Variants in C17orf67 observed in about 807,000 individuals in gnomAD.
C17orf67 encodes chromosome 17 open reading frame 67.
In C17orf67, 12 loss-of-function variants were observed where a neutral mutation model predicts 11.2. That is an observed-to-expected ratio of 1.07 (90% CI 0.68 to 1.73). The LOEUF (loss-of-function observed/expected upper bound fraction) is 1.73, where lower values mean the gene tolerates loss of function less well. Among genes scored for constraint, C17orf67 ranks in the 40% most tolerant of loss-of-function variants. C17orf67 has a pLI of 0.00. For synonymous variants in C17orf67, 59 were observed against 46.9 expected, an observed-to-expected ratio of 1.26 and a Z score of -1.05; for missense variants, 115 against 113.5, an observed-to-expected ratio of 1.01 and a Z score of -0.06.
intron 4 of C17orf67, among the ~76,000 whole-genome samples, chr17:56,820,915 G>T (rs1905888022): frequency 6.6e-6 from 1 of 151,542 alleles, no homozygotes; most frequent in Admixed American, 6.6e-5. Context: ...ACTTCGTTTT[G>T]TTTTTGTTTT....
chr17:56,815,141 T>C (rs557045366), intron 5 of C17orf67, among the ~76,000 whole-genome samples, 172 bp from the exon 6 acceptor site: 3 of 152,332 alleles, frequency 2.0e-5, no homozygotes, highest in South Asian at 2.1e-4. Flanking sequence ...GGAAGGAATT[T>C]TGAATTGTTT....
At chr17:56,805,439 C>A (rs1227929178) in intron 6 of C17orf67, among the ~76,000 whole-genome samples, 1 of 152,192 alleles carries the variant, frequency 6.6e-6, no homozygotes, top group Non-Finnish European at 1.5e-5. Context: ...TCCCTCCCTG[C>A]ACCCACTCCT....
chr17:56,824,091 C>T (rs568879971), intron 4 of C17orf67, among the ~76,000 whole-genome samples: 94 of 152,190 alleles, frequency 6.2e-4, no homozygotes, highest in African/African-American at 2.2e-3. Context: ...GGAGGTGGGG[C>T]CTTTAAGAGT....
In C17orf67 at chr17:56,814,850, G is replaced by T; in HGVS notation, c.156+19C>A. 1 of 1,608,312 alleles carries T rather than the reference G, an allele frequency of 6.2e-7. No individual in the cohort carries two copies. The highest frequency in any genetic ancestry group is 1.1e-5 in the South Asian group (1 of 90,936). On this transcript the variant is annotated intron_variant, in intron 6 of 7. Transcript: ENST00000397861. ...AAATGATCACATTTTCTTTAAAACTGCCAGAGCAAAGCACTCACCCGCATT... is the reference window on the plus strand; with the variant it reads ...AAATGATCACATTTTCTTTAAAACTTCCAGAGCAAAGCACTCACCCGCATT...
intron 6 of C17orf67, among the ~76,000 whole-genome samples, chr17:56,810,053 TCA>T (rs1175038314): frequency 4.1e-5 from 3 of 73,978 alleles, no homozygotes; most frequent in South Asian, 4.8e-4. Context: ...CACACACCCC[TCA>T]CACACCCCTC....
At position 56,815,763 on chromosome 17, in the gene C17orf67, G is replaced by C; in HGVS notation, c.48C>G (p.Val16=). Reference sequence around the variant, plus strand: ...TTTGGAGTCAGTGCCCACCTGAGAAGACAGTCAGTAAGGTAAGAGACAGCA... The same window carrying C: ...TTTGGAGTCAGTGCCCACCTGAGAACACAGTCAGTAAGGTAAGAGACAGCA... The part of the protein sequence containing the change: ...VLVLSLTLLT[V]FSETSPILTE... The change falls in exon 5 of 8, where the codon GTC becomes GTG. Residue 16 remains valine, a synonymous_variant. Coordinates refer to ENST00000397861, the MANE Select transcript of C17orf67 (RefSeq NM_001085430.4). 1 of 1,610,302 alleles carries C rather than the reference G, an allele frequency of 6.2e-7. No homozygotes were observed. The highest frequency in any genetic ancestry group is 8.5e-7 in the Non-Finnish European group (1 of 1,177,412).
intron 6 of C17orf67, among the ~76,000 whole-genome samples, chr17:56,805,950 A>G (rs903119708): frequency 6.6e-6 from 1 of 150,922 alleles, no homozygotes; most frequent in Non-Finnish European, 1.5e-5. Context: ...GGGAGAAGGG[A>G]CAGGACTACA....
intron 2 of C17orf67, among the ~76,000 whole-genome samples, chr17:56,831,480 G>A (rs1906198972): frequency 6.6e-6 from 1 of 152,178 alleles, no homozygotes. Context: ...GTGCTCAGAT[G>A]GACATAGGTG....
intron 2 of C17orf67, among the ~76,000 whole-genome samples, chr17:56,825,907 T>C (rs1202745858): frequency 6.6e-6 from 1 of 152,074 alleles, no homozygotes; most frequent in Non-Finnish European, 1.5e-5. Flanking sequence ...TTTTACTTTT[T>C]CAAATACTCT....
rs574170778 is a variant in C17orf67 at position 56,793,856 on chromosome 17, G to C, written c.*20+1188C>G. ...CCAGACACACCAGAACCCTGACCTAGAATAGAGCTCCAGCAGCTGGAAGAA... is the reference window on the plus strand; with the variant it reads ...CCAGACACACCAGAACCCTGACCTACAATAGAGCTCCAGCAGCTGGAAGAA... On this transcript the variant is annotated intron_variant, in intron 7 of 7. Transcript: ENST00000397861. Among the ~76,000 whole-genome samples the C allele has an allele frequency of 2.6e-5, 4 of 152,326 alleles. No individual in the cohort carries two copies. In the South Asian group the frequency reaches 8.3e-4, roughly 32 times the overall value.
chr17:56,820,826 C>T (rs1160003353), intron 4 of C17orf67, among the ~76,000 whole-genome samples: 3 of 120,962 alleles, frequency 2.5e-5, no homozygotes, highest in Non-Finnish European at 4.8e-5. Context: ...ATTTAAGTGT[C>T]ATTGACAAAT....
intron 5 of C17orf67, among the ~76,000 whole-genome samples, chr17:56,815,351 G>GT: frequency 6.6e-6 from 1 of 152,116 alleles, no homozygotes; most frequent in Non-Finnish European, 1.5e-5. Context: ...AAGATGCCCA[G>GT]TGATAATAAG....
At chr17:56,794,019 C>T (rs1355076832) in intron 7 of C17orf67, among the ~76,000 whole-genome samples, 1 of 152,168 alleles carries the variant, frequency 6.6e-6, no homozygotes, top group Non-Finnish European at 1.5e-5. Flanking sequence ...CTGTGCAACA[C>T]GGTCCACATA....
chr17:56,796,468 CG>C (rs1905215638), intron 6 of C17orf67, among the ~76,000 whole-genome samples: 1 of 152,190 alleles, frequency 6.6e-6, no homozygotes, highest in Non-Finnish European at 1.5e-5. Context: ...AAGGACCACA[CG>C]GTGTATGATT....
chr17:56,797,089 C>T (rs984100589), intron 6 of C17orf67, among the ~76,000 whole-genome samples: 1 of 152,164 alleles, frequency 6.6e-6, no homozygotes, highest in African/African-American at 2.4e-5. Flanking sequence ...CCTTGGTCTA[C>T]AATGGTCATT....
At chr17:56,802,736 T>A (rs1479004754) in intron 6 of C17orf67, among the ~76,000 whole-genome samples, 1 of 152,222 alleles carries the variant, frequency 6.6e-6, no homozygotes, top group African/African-American at 2.4e-5. Context: ...ATCAAGATTG[T>A]GAAGGAGAGC....
intron 6 of C17orf67, among the ~76,000 whole-genome samples, chr17:56,796,962 G>A (rs1266793850): frequency 6.6e-6 from 1 of 152,096 alleles, no homozygotes; most frequent in Non-Finnish European, 1.5e-5. Flanking sequence ...CTACCCACGG[G>A]TTTTGTCTGT....
At chr17:56,826,787 A>C (rs1021414696) in intron 2 of C17orf67, among the ~76,000 whole-genome samples, 2 of 152,260 alleles carry the variant, frequency 1.3e-5, no homozygotes, top group African/African-American at 4.8e-5. Context: ...CAGTGATCTC[A>C]GTCCCACCAT....
chr17:56,806,253 C>T (rs1053725188), intron 6 of C17orf67, among the ~76,000 whole-genome samples: 2 of 152,114 alleles, frequency 1.3e-5, no homozygotes, highest in African/African-American at 4.8e-5. Flanking sequence ...GGATTGCAGG[C>T]GTGAGCCACC....
Sources: allele counts gnomAD v4.1 joint callset (sites outside exome capture counted in the v4.1 genomes callset), GRCh38; gene constraint gnomAD v4.1.1; transcripts MANE v1.5; gene names NCBI Gene and HGNC (gene_info 2026-07-23, HGNC 2026-07-21).